The following SCNN1A variants were observed in gnomAD, a reference collection of about 807,000 sequenced individuals.
SCNN1A encodes sodium channel epithelial 1 subunit alpha.
SCNN1A carries 65 observed loss-of-function variants against 68.6 expected under a neutral mutation model. The ratio of observed to expected loss-of-function variants is 0.95; its 90% confidence interval spans 0.78 to 1.16. The LOEUF is 1.16. Ranked by LOEUF, SCNN1A falls within the 50% of genes most tolerant of loss-of-function variation. The pLI is 0.00. For synonymous variants in SCNN1A, 357 were observed against 353.3 expected, an observed-to-expected ratio of 1.01 and a Z score of -0.12; for missense variants, 880 against 865.9, an observed-to-expected ratio of 1.02 and a Z score of -0.20.
At chr12:6,352,051 T>G (rs1406411284) in intron 8 of SCNN1A, among the ~76,000 whole-genome samples, 8 of 152,188 alleles carry the variant, frequency 5.3e-5, no homozygotes, top group Non-Finnish European at 8.8e-5. Flanking sequence ...GTGCCTGGCT[T>G]GAGTGAGTAC....
chr12:6,357,099 A>G (rs913729732), intron 4 of SCNN1A, among the ~76,000 whole-genome samples: 17 of 152,340 alleles, frequency 1.1e-4, no homozygotes, highest in Admixed American at 6.5e-4. Context: ...TCTAGAGCCC[A>G]GGCTAGATGC....
rs1431583276 is a variant in SCNN1A, at chr12:6,374,583, G to A, written c.201C>T (p.Thr67=). Residue 67 remains threonine (T), a synonymous_variant, in exon 2 of 13, where the codon ACC becomes ACT. Transcript: ENST00000228916. The surrounding 1 kb of genome is among the most constrained non-coding windows in gnomAD (Gnocchi z 6.2). Reference sequence around the variant, plus strand: ...ACACCAGGCGGATGGCGCCGTGGATGGTGGTGTTGTTGCAGAAGAACTCGA... The same window carrying A: ...ACACCAGGCGGATGGCGCCGTGGATAGTGGTGTTGTTGCAGAAGAACTCGA... ...ELFEFFCNNT[T]IHGAIRLVCS... is the part of the protein sequence containing the mutation. 1 of 1,614,114 alleles carries A rather than the reference G, an allele frequency of 6.2e-7. No individual in the cohort carries two copies. The highest frequency in any genetic ancestry group is 2.2e-5 in the East Asian group (1 of 44,888).
At chr12:6,354,359 A>C in intron 8 of SCNN1A, 79 bp downstream of exon 8, 1 of 917,734 alleles carries the variant, frequency 1.1e-6, no homozygotes, top group South Asian at 1.3e-5. Flanking sequence ...CATCCCCACA[A>C]ACAGGGGACT....
At chr12:6,363,122 A>G (rs1250673393) in intron 3 of SCNN1A, among the ~76,000 whole-genome samples, 2 of 143,870 alleles carry the variant, frequency 1.4e-5, no homozygotes, top group Non-Finnish European at 3.0e-5. Context: ...TGAATCAAGG[A>G]CCAGAAACAG....
chr12:6,367,182 G>A (rs567035298), intron 2 of SCNN1A, among the ~76,000 whole-genome samples: 1 of 152,244 alleles, frequency 6.6e-6, no homozygotes, highest in African/African-American at 2.4e-5. Context: ...AGGCTACAGT[G>A]AGCCGTGATC....
rs929084492 is a variant in SCNN1A, at chr12:6,347,033, T to C, written c.*840A>G. On this transcript the variant is annotated 3_prime_UTR_variant, in exon 13 of 13. Transcript: ENST00000228916. ...AACAGCAACACTCCAGCAGATGTTA[T>C]AGTGTGCTACGGGAGCCCAGGAGAA... is the stretch of plus-strand genomic sequence containing the variant. 1.1e-4 allele frequency: 17 copies of C among 152,728 alleles called. No homozygotes were observed. The highest frequency in any genetic ancestry group is 1.9e-4 in the African/African-American group (8 of 41,564). The allele number at this position is 152,728 out of a possible 1,614,324, so 9.5% of individuals were successfully genotyped here.
Position 6,372,004 on chromosome 12 carries a change from G to A in SCNN1A, c.416+2364C>T, listed in dbSNP as rs7964163. 0.074 allele frequency among the ~76,000 whole-genome samples: 11,237 copies of A among 152,054 alleles called. 538 individuals carry two copies. The highest frequency in any genetic ancestry group is 0.16 in the South Asian group (755 of 4,792). ...TAGAGACGGGGGTTTCACCATGATG[G>A]CCAGGCTGGTCTCGAACTCCTGGCC... is the stretch of plus-strand genomic sequence containing the variant. On this transcript the variant is annotated intron_variant, in intron 2 of 12. Coordinates refer to ENST00000228916, the MANE Select transcript of SCNN1A (RefSeq NM_001038.6). The surrounding 1 kb of genome is among the most constrained non-coding windows in gnomAD (Gnocchi z 5.8).
Position 6,355,795 on chromosome 12 carries a change from T to C in SCNN1A, c.961A>G (p.Met321Val), listed in dbSNP as rs1459329549. Residue 321 changes from methionine (M) to valine (V), a missense_variant, in exon 5 of 13, where the codon ATG (methionine) becomes GTG (valine). This residue lies in a region of SCNN1A where 758 missense variants were observed against 721.8 expected (regional missense o/e 1.05). Transcript: ENST00000228916. ...KNNSNLWMSSMPGINNGLSLM... is the reference protein window; with the variant it reads ...KNNSNLWMSSVPGINNGLSLM... ...TTCTCACCGTTGTTGATTCCAGGCATGGAAGACATCCAGAGGTTGGAGTTG... is the reference window on the plus strand; with the variant it reads ...TTCTCACCGTTGTTGATTCCAGGCACGGAAGACATCCAGAGGTTGGAGTTG... 1.2e-6 allele frequency: 2 copies of C among 1,612,018 alleles called. No homozygotes were observed. The highest frequency in any genetic ancestry group is 1.7e-6 in the Non-Finnish European group (2 of 1,178,164).
intron 4 of SCNN1A, among the ~76,000 whole-genome samples, chr12:6,358,635 G>A (rs1948534733): frequency 6.6e-6 from 1 of 152,072 alleles, no homozygotes; most frequent in African/African-American, 2.4e-5. Context: ...GAGGCAGGAG[G>A]ATGGCTTGAG....
intron 4 of SCNN1A, among the ~76,000 whole-genome samples, chr12:6,361,557 T>C (rs189250265): frequency 9.7e-4 from 147 of 152,164 alleles, no homozygotes; most frequent in Admixed American, 3.5e-3. Context: ...CTGACCAACA[T>C]GGACGTTGAC....
chr12:6,351,310 C>CT lies in SCNN1A; in HGVS notation c.1361-1906dup, dbSNP rs1229700011. Among the ~76,000 whole-genome samples, 4 of 152,160 alleles carry CT rather than the reference C, an allele frequency of 2.6e-5. No homozygotes were observed. The highest frequency in any genetic ancestry group is 9.7e-5 in the African/African-American group (4 of 41,434). On this transcript the variant is annotated intron_variant, in intron 8 of 12. Transcript: ENST00000228916. This position sits in a 1 kb window ranked among gnomAD's most constrained non-coding sequence, Gnocchi z 4.2. ...AAGGCAGACACGAGGGTCACACACT[C>CT]TAAGATTCCATCTATATGAAAGATT...
intron 8 of SCNN1A, among the ~76,000 whole-genome samples, chr12:6,350,341 A>C (rs935278618): frequency 3.0e-4 from 46 of 151,268 alleles, no homozygotes; most frequent in Non-Finnish European, 5.5e-4. Flanking sequence ...CTGAGGCAGG[A>C]GAATGGCGTG....
chr12:6,375,171 A>G, intron 1 of SCNN1A: 3 of 1,457,256 alleles, frequency 2.1e-6, no homozygotes, highest in Non-Finnish European at 2.7e-6. Context: ...TTCTTCCTCC[A>G]GGATCTGTGT....
At chr12:6,350,276 C>CA (rs764831689) in intron 8 of SCNN1A, among the ~76,000 whole-genome samples, 1 of 148,568 alleles carries the variant, frequency 6.7e-6, no homozygotes, top group African/African-American at 2.5e-5. Flanking sequence ...ACTAAAAATA[C>CA]AAAAAATTAG....
At chr12:6,358,468 G>T (rs1234155694) in intron 4 of SCNN1A, among the ~76,000 whole-genome samples, 2 of 152,142 alleles carry the variant, frequency 1.3e-5, no homozygotes, top group Non-Finnish European at 2.9e-5. Context: ...CCATGTACAG[G>T]ATCCACAAAA....
At chr12:6,363,373 G>A (rs1948614134) in intron 3 of SCNN1A, 70 bp downstream of exon 3, 1 of 1,366,746 alleles carries the variant, frequency 7.3e-7, no homozygotes, top group African/African-American at 1.5e-5. Context: ...GAAAGGAGCG[G>A]AGCCCATGGG....
In SCNN1A at chr12:6,374,268, C is replaced by T; in HGVS notation, c.416+100G>A. 1 of 1,319,624 alleles carries T rather than the reference C, an allele frequency of 7.6e-7. No homozygotes were observed. Among genetic ancestry groups the T allele is most frequent in the Non-Finnish European group, 1.1e-6 (1 of 948,054 alleles). The allele number at this position is 1,319,624 out of a possible 1,614,324, so 81.7% of individuals were successfully genotyped here. ...CCTGGGACAGGGGTGTCAGTTCCCA[C>T]CCTCAGGTCTGAGGCTCTGCCTGCC... is the stretch of plus-strand genomic sequence containing the variant. On this transcript the variant is annotated intron_variant, in intron 2 of 12. Transcript: ENST00000228916. This position sits in a 1 kb window ranked among gnomAD's most constrained non-coding sequence, Gnocchi z 6.2.
rs114679101 is a variant in SCNN1A at position 6,351,689 on chromosome 12, C to T, written c.1361-2284G>A. ...ATCCATAGAGAGAGAAAGAAAGAAT[C>T]GTGGTTGCCCAAGGGCTGGCAGTGG... On this transcript the variant is annotated intron_variant, in intron 8 of 12. Coordinates refer to ENST00000228916, the MANE Select transcript of SCNN1A (RefSeq NM_001038.6). The surrounding 1 kb of genome is among the most constrained non-coding windows in gnomAD (Gnocchi z 4.2). 9.6e-3 allele frequency among the ~76,000 whole-genome samples: 1,449 copies of T among 151,452 alleles called. 23 individuals are homozygous for T. The highest frequency in any genetic ancestry group is 0.033 in the African/African-American group (1,375 of 41,300).
intron 4 of SCNN1A, among the ~76,000 whole-genome samples, chr12:6,358,827 T>TC (rs1194007182): frequency 7.4e-6 from 1 of 135,608 alleles, no homozygotes; most frequent in African/African-American, 2.9e-5. Flanking sequence ...GCCACTGTAC[T>TC]CCAGCCTGGG....
Sources: gnomAD v4.1 joint callset for allele counts (sites outside exome capture counted in the v4.1 genomes callset) on GRCh38, gnomAD v4.1.1 for gene constraint, gnomAD v4.1.1 regional missense constraint, Gnocchi (gnomAD v3.1) non-coding constraint, MANE v1.5 for transcripts, NCBI Gene and HGNC (gene_info 2026-07-23, HGNC 2026-07-21) for gene names.